PLCB1: variants seen among roughly 807,000 people sequenced by gnomAD.
PLCB1 encodes 1-phosphatidylinositol 4,5-bisphosphate phosphodiesterase beta-1.
A neutral mutation model predicts 161.8 loss-of-function variants in PLCB1; 46 were observed. That is an observed-to-expected ratio of 0.28 (90% CI 0.22 to 0.36). The LOEUF (loss-of-function observed/expected upper bound fraction) is 0.36. Ranked by LOEUF, PLCB1 falls within the 10% of genes least tolerant of loss-of-function variation. The pLI, the probability that PLCB1 is intolerant of heterozygous loss-of-function variation, is 1.00. For synonymous variants in PLCB1, 517 were observed against 503.7 expected, an observed-to-expected ratio of 1.03 and a Z score of -0.35; for missense variants, 1,016 against 1,472.5, an observed-to-expected ratio of 0.69 and a Z score of 5.07.
rs889822758 is a variant in PLCB1, at chr20:8,839,312, G to T, written c.3424-42310G>T. Among the ~76,000 whole-genome samples, 2 of 152,150 alleles carry T rather than the reference G, an allele frequency of 1.3e-5. 1 individual carries two copies. Among genetic ancestry groups the T allele is most frequent in the South Asian group, 4.1e-4 (2 of 4,828 alleles). Reference sequence around the variant, plus strand: ...AAAAAAGACGGACAATGCCTAGTGAGCTTCTTTCAATTTTTGGAGGCAATA... The same window carrying T: ...AAAAAAGACGGACAATGCCTAGTGATCTTCTTTCAATTTTTGGAGGCAATA... On this transcript the variant is annotated intron_variant, in intron 31 of 31. Transcript: ENST00000338037.
chr20:8,562,082 G>A (rs1463913801), intron 3 of PLCB1, among the ~76,000 whole-genome samples: 3 of 152,000 alleles, frequency 2.0e-5, no homozygotes, highest in Non-Finnish European at 4.4e-5. Flanking sequence ...TGAACTCATA[G>A]CTTAGCCAAA....
intron 3 of PLCB1, among the ~76,000 whole-genome samples, chr20:8,505,003 A>T (rs777566260): frequency 2.0e-5 from 3 of 152,096 alleles, no homozygotes; most frequent in Non-Finnish European, 2.9e-5. Context: ...AGTAGCTAGG[A>T]CTACATCACC....
chr20:8,203,671 G>T lies in PLCB1; in HGVS notation c.177+53300G>T, dbSNP rs187890328. On this transcript the variant is annotated intron_variant, in intron 2 of 31. Coordinates refer to ENST00000338037, the MANE Select transcript of PLCB1 (RefSeq NM_015192.4). ...AGAAACATTTAATGCATGATGGGAG[G>T]GATCTATTGTCTTGCTGAAGAATGA... Among the ~76,000 whole-genome samples the T allele has an allele frequency of 3.3e-5, 5 of 152,086 alleles. No individual in the cohort carries two copies. In the East Asian group the frequency reaches 9.7e-4, roughly 29 times the overall value.
intron 2 of PLCB1, among the ~76,000 whole-genome samples, chr20:8,334,060 T>C (rs1001704164): frequency 6.6e-6 from 1 of 151,998 alleles, no homozygotes; most frequent in Non-Finnish European, 1.5e-5. Context: ...AAATACAAAA[T>C]TGGCCGGGTG....
chr20:8,138,513 C>A (rs540729582), intron 1 of PLCB1, among the ~76,000 whole-genome samples: 171 of 152,288 alleles, frequency 1.1e-3, no homozygotes, highest in African/African-American at 3.8e-3. Context: ...GTTCATGCAA[C>A]CTTTCAGATC....
At chr20:8,492,822 C>A (rs1982999570) in intron 3 of PLCB1, among the ~76,000 whole-genome samples, 1 of 144,290 alleles carries the variant, frequency 6.9e-6, no homozygotes, top group Non-Finnish European at 1.5e-5. Flanking sequence ...TCAATTTCTA[C>A]AAAGCAAACT....
At chr20:8,865,386 G>T (rs1441653144) in intron 31 of PLCB1, among the ~76,000 whole-genome samples, 1 of 152,096 alleles carries the variant, frequency 6.6e-6, no homozygotes, top group Non-Finnish European at 1.5e-5. Context: ...GGCTAATAAA[G>T]ATTAATCATA....
chr20:8,578,814 C>T (rs1986751524), intron 3 of PLCB1, among the ~76,000 whole-genome samples: 1 of 152,192 alleles, frequency 6.6e-6, no homozygotes, highest in East Asian at 1.9e-4. Flanking sequence ...ATAATTCAAA[C>T]TCTACGTTAA....
intron 2 of PLCB1, among the ~76,000 whole-genome samples, chr20:8,152,136 T>C (rs772787851): frequency 6.6e-6 from 1 of 152,162 alleles, no homozygotes; most frequent in Non-Finnish European, 1.5e-5. Flanking sequence ...TTTCTTTTCA[T>C]GGATATTACT....
chr20:8,372,178 T>C (rs1305928005), intron 3 of PLCB1: 1 of 152,224 alleles, frequency 6.6e-6, no homozygotes, highest in Non-Finnish European at 1.5e-5. Flanking sequence ...GCAGAGAGGG[T>C]ATTGGCAAAC....
At chr20:8,358,871 T>G (rs978696253) in intron 2 of PLCB1, among the ~76,000 whole-genome samples, 5 of 152,208 alleles carry the variant, frequency 3.3e-5, no homozygotes, top group Admixed American at 6.5e-5. Context: ...ATTCTGTGCT[T>G]CTCACCAACA....
At chr20:8,334,648 C>T (rs924905343) in intron 2 of PLCB1, among the ~76,000 whole-genome samples, 1 of 152,172 alleles carries the variant, frequency 6.6e-6, no homozygotes, top group Non-Finnish European at 1.5e-5. Flanking sequence ...TAATTCATGC[C>T]ATTCCAGTTT....
chr20:8,255,685 G>C (rs1210305230), intron 2 of PLCB1, among the ~76,000 whole-genome samples: 1 of 151,698 alleles, frequency 6.6e-6, no homozygotes, highest in Non-Finnish European at 1.5e-5. Context: ...AATATACCAA[G>C]GAAAATAAAT....
chr20:8,346,738 C>G (rs1251588959), intron 2 of PLCB1, among the ~76,000 whole-genome samples: 1 of 152,032 alleles, frequency 6.6e-6, no homozygotes, highest in East Asian at 1.9e-4. Context: ...CTCCCTGTCC[C>G]AAGAGCTCAA....
intron 2 of PLCB1, among the ~76,000 whole-genome samples, chr20:8,273,892 G>A (rs1211219874): frequency 3.3e-5 from 5 of 152,074 alleles, no homozygotes. Flanking sequence ...GGGAAAATCT[G>A]TTTCCTGATC....
At chr20:8,329,419 T>A (rs978797191) in intron 2 of PLCB1, among the ~76,000 whole-genome samples, 16 of 151,892 alleles carry the variant, frequency 1.1e-4, no homozygotes, top group Non-Finnish European at 1.8e-4. Flanking sequence ...TCCCAAAGTG[T>A]TGGGATGACA....
intron 2 of PLCB1, among the ~76,000 whole-genome samples, chr20:8,297,912 A>G (rs1329277506): frequency 1.3e-5 from 2 of 149,146 alleles, no homozygotes; most frequent in African/African-American, 2.5e-5. Context: ...TTTTTTGCCA[A>G]AATCTTCACT....
At chr20:8,225,704 CACT>C (rs1424856476) in intron 2 of PLCB1, among the ~76,000 whole-genome samples, 1 of 152,196 alleles carries the variant, frequency 6.6e-6, no homozygotes, top group Non-Finnish European at 1.5e-5. Context: ...AGAAATTCAT[CACT>C]GAGACCTACA....
intron 27 of PLCB1, among the ~76,000 whole-genome samples, chr20:8,779,134 C>G (rs1166068734): frequency 1.3e-5 from 2 of 152,136 alleles, no homozygotes; most frequent in African/African-American, 4.8e-5. Context: ...TAAATACCAA[C>G]GTGCTTTGGT....
Sources: allele counts gnomAD v4.1 joint callset (sites outside exome capture counted in the v4.1 genomes callset), GRCh38; gene constraint gnomAD v4.1.1; transcripts MANE v1.5; gene names NCBI Gene and HGNC (gene_info 2026-07-23, HGNC 2026-07-21).